Variants in NRG3 observed in about 807,000 individuals in gnomAD.
NRG3 encodes neuregulin 3.
In NRG3, 31 loss-of-function variants were observed where a neutral mutation model predicts 66.9. The observed-to-expected ratio is 0.46, with a 90% CI of 0.35 to 0.63. The LOEUF is 0.63. Among genes scored for constraint, NRG3 ranks in the 20% least tolerant of loss-of-function variants. NRG3 has a pLI of 0.00. For missense variants in NRG3, 910 were observed against 878.9 expected (o/e 1.04, Z -0.45); for synonymous variants, 393 against 359.4 (o/e 1.09, Z -1.06).
intron 1 of NRG3, among the ~76,000 whole-genome samples, chr10:82,315,951 T>C (rs928526930): frequency 2.6e-5 from 4 of 152,098 alleles, no homozygotes; most frequent in African/African-American, 9.7e-5. Flanking sequence ...CCGGCCCATA[T>C]ATGTGATTTT....
At chr10:82,149,076 T>G (rs995483186) in intron 1 of NRG3, among the ~76,000 whole-genome samples, 1 of 5,308 alleles carries the variant, frequency 1.9e-4, no homozygotes, top group Admixed American at 6.4e-4. Context: ...TTGTTTTTGT[T>G]TTTTTTTTAA....
chr10:82,873,953 CTTAA>C (rs1319518549), intron 4 of NRG3, among the ~76,000 whole-genome samples: 1 of 150,650 alleles, frequency 6.6e-6, no homozygotes, highest in African/African-American at 2.4e-5. Flanking sequence ...AAATAAGATT[CTTAA>C]TTAAAATCTT....
intron 2 of NRG3, among the ~76,000 whole-genome samples, chr10:82,573,295 T>C (rs935167317): frequency 9.9e-5 from 15 of 151,696 alleles, no homozygotes; most frequent in African/African-American, 3.1e-4. Flanking sequence ...CTAAATGGAG[T>C]CCTGACTCAA....
intron 1 of NRG3, chr10:81,877,664 C>G: frequency 8.0e-6 from 10 of 1,254,982 alleles, no homozygotes; most frequent in Non-Finnish European, 1.0e-5. Flanking sequence ...TGGAAAAAAC[C>G]GTCTAGAAGA....
intron 2 of NRG3, among the ~76,000 whole-genome samples, chr10:82,600,901 C>T (rs1025931421): frequency 3.9e-5 from 6 of 152,036 alleles, no homozygotes; most frequent in Admixed American, 3.9e-4. Context: ...ATATAGTGAA[C>T]ATAGAACCCA....
At chr10:82,409,438 A>G (rs940597734) in intron 2 of NRG3, among the ~76,000 whole-genome samples, 8 of 152,124 alleles carry the variant, frequency 5.3e-5, no homozygotes, top group Non-Finnish European at 1.0e-4. Context: ...GTGGAAAGGG[A>G]GGGAACCCAT....
intron 2 of NRG3, among the ~76,000 whole-genome samples, chr10:82,684,178 T>C (rs2054327949): frequency 6.6e-6 from 1 of 152,166 alleles, no homozygotes. Flanking sequence ...AGCAGGAGGA[T>C]TGAGAAAGCA....
intron 1 of NRG3, among the ~76,000 whole-genome samples, chr10:82,284,155 C>T (rs892560605): frequency 5.9e-5 from 9 of 152,166 alleles, no homozygotes; most frequent in African/African-American, 2.2e-4. Flanking sequence ...CCAATATCTG[C>T]GTATCAGGGA....
At chr10:82,247,616 T>G (rs2077301857) in intron 1 of NRG3, among the ~76,000 whole-genome samples, 1 of 152,134 alleles carries the variant, frequency 6.6e-6, no homozygotes, top group Non-Finnish European at 1.5e-5. Context: ...AATCTAATAC[T>G]TGATACAAAT....
chr10:81,927,005 T>G (rs980711300), intron 1 of NRG3, among the ~76,000 whole-genome samples: 5 of 152,334 alleles, frequency 3.3e-5, no homozygotes, highest in African/African-American at 4.8e-5. Flanking sequence ...TATTGTAATG[T>G]AATGACTTAA....
intron 3 of NRG3, among the ~76,000 whole-genome samples, chr10:82,761,914 CTT>C (rs148148641): frequency 2.9e-5 from 4 of 136,270 alleles, no homozygotes; most frequent in African/African-American, 1.1e-4. Context: ...TTTCTTCTTT[CTT>C]TCTTTCTCTT....
intron 1 of NRG3, among the ~76,000 whole-genome samples, chr10:82,353,410 G>A (rs576819687): frequency 6.6e-6 from 1 of 152,082 alleles, no homozygotes; most frequent in African/African-American, 2.4e-5. Context: ...GGGGATTTCT[G>A]TCTTCCAACC....
chr10:82,109,553 GTGTGTGTGTGTGTGTGTGTGTGTGTATA>G (rs2067255737), intron 1 of NRG3, among the ~76,000 whole-genome samples: 2 of 127,478 alleles, frequency 1.6e-5, no homozygotes, highest in African/African-American at 6.3e-5. Context: ...GTGTGTGTGT[GTGTGTGTGTGTGTGTGTGTGTGTGTATA>G]TATATATTTT....
intron 1 of NRG3, among the ~76,000 whole-genome samples, chr10:82,141,069 A>T (rs1393245455): frequency 6.6e-6 from 1 of 152,088 alleles, no homozygotes; most frequent in African/African-American, 2.4e-5. Flanking sequence ...CAGTTGAAGG[A>T]TGTTTCTTCT....
intron 1 of NRG3, among the ~76,000 whole-genome samples, chr10:82,120,366 C>T (rs889759599): frequency 2.0e-5 from 3 of 151,946 alleles, no homozygotes; most frequent in Admixed American, 6.6e-5. Context: ...AAGTTTTAGG[C>T]TATTTAAAAT....
At chr10:82,276,954 G>GT (rs1219907285) in intron 1 of NRG3, among the ~76,000 whole-genome samples, 2 of 151,912 alleles carry the variant, frequency 1.3e-5, no homozygotes, top group Non-Finnish European at 2.9e-5. Flanking sequence ...TTCCTGAAGT[G>GT]TCTTATAAAC....
chr10:82,650,138 G>T (rs10885087), intron 2 of NRG3, among the ~76,000 whole-genome samples: 1 of 151,956 alleles, frequency 6.6e-6, no homozygotes, highest in South Asian at 2.1e-4. Context: ...CAAAAGTAAT[G>T]TGACCTAGTT....
chr10:81,899,425 G>T (rs1424829009), intron 1 of NRG3, among the ~76,000 whole-genome samples: 1 of 152,208 alleles, frequency 6.6e-6, no homozygotes, highest in African/African-American at 2.4e-5. Flanking sequence ...GTGCAAACCG[G>T]CATCCCAGCA....
intron 2 of NRG3, among the ~76,000 whole-genome samples, chr10:82,716,280 A>C (rs1178386804): frequency 6.6e-6 from 1 of 152,312 alleles, no homozygotes; most frequent in East Asian, 1.9e-4. Context: ...AAGCATATAC[A>C]TATGTATACA....
Sources: allele counts gnomAD v4.1 joint callset (sites outside exome capture counted in the v4.1 genomes callset), GRCh38; gene constraint gnomAD v4.1.1; transcripts MANE v1.5; gene names NCBI Gene and HGNC (gene_info 2026-07-23, HGNC 2026-07-21).